TEX9: variants seen among roughly 807,000 people sequenced by gnomAD.
TEX9 encodes the protein testis-expressed protein 9.
TEX9 carries 74 observed loss-of-function variants against 59.6 expected under a neutral mutation model. That is an observed-to-expected ratio of 1.24 (90% CI 1.03 to 1.51). The LOEUF (loss-of-function observed/expected upper bound fraction) is 1.51. TEX9 is among the 40% of genes most tolerant of loss of function. The pLI is 0.00. For missense variants in TEX9, 522 were observed against 447.8 expected, an observed-to-expected ratio of 1.17 and a Z score of -1.49; for synonymous variants, 186 against 152.2, an observed-to-expected ratio of 1.22 and a Z score of -1.64.
At chr15:56,303,027 C>T (rs2045397692) in intron 1 of TEX9, among the ~76,000 whole-genome samples, 1 of 152,090 alleles carries the variant, frequency 6.6e-6, no homozygotes, top group African/African-American at 2.4e-5. Flanking sequence ...TTAATAGATA[C>T]ACACCCAAAA....
At chr15:56,394,078 C>T (rs1372128760) in intron 7 of TEX9, 87 bp from the exon 8 acceptor site, 9 of 1,278,306 alleles carry the variant, frequency 7.0e-6, no homozygotes, top group South Asian at 7.0e-5. Flanking sequence ...TGAGTATTTT[C>T]TTCTTTATAA....
chr15:56,361,980 T>A (rs56796026), upstream of TEX9, among the ~76,000 whole-genome samples: 650 of 150,158 alleles, frequency 4.3e-3, 8 homozygotes, highest in African/African-American at 0.016. Flanking sequence ...ATTTCTGTTG[T>A]TTTAAGCCAC....
At chr15:56,331,324 C>G (rs1441809468) in intron 1 of TEX9, among the ~76,000 whole-genome samples, 2 of 152,178 alleles carry the variant, frequency 1.3e-5, no homozygotes, top group African/African-American at 4.8e-5. Context: ...ATTTACAGAA[C>G]ATTTCATCCA....
intron 9 of TEX9, among the ~76,000 whole-genome samples, chr15:56,403,319 C>G (rs2048895901): frequency 6.6e-6 from 1 of 152,226 alleles, no homozygotes; most frequent in African/African-American, 2.4e-5. Flanking sequence ...GCAAAAATCA[C>G]AAGCATTCCT....
At chr15:56,263,892 A>G (rs1451466105) in intron 1 of TEX9, among the ~76,000 whole-genome samples, 2 of 151,820 alleles carry the variant, frequency 1.3e-5, no homozygotes, top group Non-Finnish European at 2.9e-5. Flanking sequence ...GTTTTTTATT[A>G]ATGAGTACTG....
chr15:56,334,984 C>A (rs2046231361), intron 1 of TEX9, among the ~76,000 whole-genome samples: 1 of 152,044 alleles, frequency 6.6e-6, no homozygotes, highest in East Asian at 1.9e-4. Flanking sequence ...TGACTTTTAT[C>A]CAAAAGACAG....
At chr15:56,251,318 T>C (rs183532426) in intron 1 of TEX9, among the ~76,000 whole-genome samples, 1 of 152,234 alleles carries the variant, frequency 6.6e-6, no homozygotes, top group East Asian at 1.9e-4. Flanking sequence ...TTGTCGGCCA[T>C]ATCCACAGTC....
chr15:56,311,261 T>A (rs539103562), intron 1 of TEX9, among the ~76,000 whole-genome samples: 17 of 139,058 alleles, frequency 1.2e-4, no homozygotes, highest in Middle Eastern at 3.5e-3. Flanking sequence ...TCATCTAGCA[T>A]TAGGTATATC....
chr15:56,263,871 T>C (rs774741772), intron 1 of TEX9, among the ~76,000 whole-genome samples: 1 of 151,760 alleles, frequency 6.6e-6, no homozygotes, highest in Non-Finnish European at 1.5e-5. Context: ...ATGTTATTGT[T>C]TCTGCCATTT....
chr15:56,431,252 C>A, intron 12 of TEX9: 1 of 1,112,928 alleles, frequency 9.0e-7, no homozygotes, highest in South Asian at 1.6e-5. Flanking sequence ...AGGAGGATCC[C>A]ATTGCTGCTT....
chr15:56,442,120 G>A (rs1166545144), intron 12 of TEX9, among the ~76,000 whole-genome samples: 1 of 152,022 alleles, frequency 6.6e-6, no homozygotes, highest in African/African-American at 2.4e-5. Context: ...TAGCCAACAA[G>A]CACATGAAAA....
intron 1 of TEX9, among the ~76,000 whole-genome samples, chr15:56,247,367 A>G (rs1430406709): frequency 6.6e-6 from 1 of 152,222 alleles, no homozygotes; most frequent in African/African-American, 2.4e-5. Context: ...TTGTGGAGTC[A>G]TAATGGAGGG....
chr15:56,317,177 C>T (rs376026609), intron 1 of TEX9, among the ~76,000 whole-genome samples: 1 of 152,330 alleles, frequency 6.6e-6, no homozygotes, highest in Middle Eastern at 3.4e-3. Flanking sequence ...GCTCCTCCCC[C>T]CTTGTGGGAA....
chr15:56,247,674 T>A (rs1379826817), intron 1 of TEX9, among the ~76,000 whole-genome samples: 1 of 152,184 alleles, frequency 6.6e-6, no homozygotes, highest in Non-Finnish European at 1.5e-5. Flanking sequence ...GCATTATAGT[T>A]AGGATCGTTC....
chr15:56,411,822 T>G (rs1311889157), intron 9 of TEX9, among the ~76,000 whole-genome samples: 4 of 152,180 alleles, frequency 2.6e-5, no homozygotes, highest in Admixed American at 2.0e-4. Flanking sequence ...TTGTTTCTAC[T>G]TAGAATTGGG....
intron 10 of TEX9, among the ~76,000 whole-genome samples, chr15:56,426,626 TACACACACACAAAC>T (rs1442670277): frequency 2.1e-5 from 1 of 47,178 alleles, no homozygotes; most frequent in African/African-American, 5.3e-5. Flanking sequence ...TATATATATA[TACACACACACAAAC>T]ACACACACAC....
intron 9 of TEX9, among the ~76,000 whole-genome samples, chr15:56,398,989 C>A (rs1437909883): frequency 6.6e-6 from 1 of 152,092 alleles, no homozygotes; most frequent in East Asian, 1.9e-4. Context: ...AAACAGTGCC[C>A]TTCTAAGATG....
At chr15:56,406,160 T>A (rs543140040) in intron 9 of TEX9, among the ~76,000 whole-genome samples, 1 of 152,312 alleles carries the variant, frequency 6.6e-6, no homozygotes, top group South Asian at 2.1e-4. Context: ...ATTTTTTCAC[T>A]ACAAATTAGA....
chr15:56,449,246 G>A (rs755273860), downstream of TEX9, among the ~76,000 whole-genome samples: 6 of 151,652 alleles, frequency 4.0e-5, no homozygotes, highest in Non-Finnish European at 8.8e-5. Context: ...CTCAGTGTCA[G>A]AGGGGAAGTG....
Sources: gnomAD v4.1 joint callset for allele counts (sites outside exome capture counted in the v4.1 genomes callset) on GRCh38, gnomAD v4.1.1 for gene constraint, MANE v1.5 for transcripts, NCBI Gene and HGNC (gene_info 2026-07-23, HGNC 2026-07-21) for gene names.